The following RSPO3 variants were observed in gnomAD, a reference collection of about 807,000 sequenced individuals.
RSPO3 encodes the protein R-spondin 3.
A neutral mutation model predicts 36.5 loss-of-function variants in RSPO3; 17 were observed. The ratio of observed to expected loss-of-function variants is 0.47; its 90% CI spans 0.32 to 0.70. RSPO3 has a LOEUF of 0.70. Ranked by LOEUF, RSPO3 falls within the 30% of genes least tolerant of loss-of-function variation. The pLI, the probability that RSPO3 is intolerant of heterozygous loss-of-function variation, is 0.04. For synonymous variants in RSPO3, 108 were observed against 107.0 expected (o/e 1.01, Z -0.06); for missense variants, 294 against 322.5 (o/e 0.91, Z 0.68).
chr6:127,176,153 A>G (rs1240075896), intron 4 of RSPO3, among the ~76,000 whole-genome samples: 1 of 151,780 alleles, frequency 6.6e-6, no homozygotes. Flanking sequence ...TCAGCATTTC[A>G]TATTTAATTA....
intron 1 of RSPO3, among the ~76,000 whole-genome samples, chr6:127,142,982 A>ATTT (rs34440525): frequency 7.0e-6 from 1 of 143,146 alleles, no homozygotes; most frequent in African/African-American, 2.6e-5. Context: ...TGCCCAGCTA[A>ATTT]TTTTTTTTTT....
chr6:127,150,298 A>T (rs1173513779), intron 2 of RSPO3, 128 bp from the exon 3 acceptor site: 2 of 804,002 alleles, frequency 2.5e-6, no homozygotes, highest in Middle Eastern at 3.6e-4. Flanking sequence ...AGTCTGGCAA[A>T]ATAATTTTGG....
intron 3 of RSPO3, among the ~76,000 whole-genome samples, chr6:127,154,657 C>G (rs1301275070): frequency 1.3e-5 from 2 of 152,162 alleles, no homozygotes; most frequent in Non-Finnish European, 2.9e-5. Flanking sequence ...ATTTTCTGCT[C>G]AAGCATTCTC....
At chr6:127,188,952 G>A (rs1775352522) in intron 4 of RSPO3, among the ~76,000 whole-genome samples, 1 of 152,138 alleles carries the variant, frequency 6.6e-6, no homozygotes, top group African/African-American at 2.4e-5. Context: ...TAATGTGGAG[G>A]CAGAAGGGTG....
intron 4 of RSPO3, among the ~76,000 whole-genome samples, chr6:127,176,341 G>A (rs1297119168): frequency 2.0e-5 from 3 of 151,802 alleles, no homozygotes; most frequent in Non-Finnish European, 4.4e-5. Flanking sequence ...CTCAGAGTGG[G>A]AGTTAAAGCA....
intron 3 of RSPO3, among the ~76,000 whole-genome samples, chr6:127,153,837 C>T (rs557528262): frequency 6.6e-6 from 1 of 151,942 alleles, no homozygotes; most frequent in African/African-American, 2.4e-5. Flanking sequence ...GGATACACTA[C>T]TTTTTAATGA....
At chr6:127,129,935 A>G (rs1363914330) in intron 1 of RSPO3, among the ~76,000 whole-genome samples, 1 of 152,110 alleles carries the variant, frequency 6.6e-6, no homozygotes, top group African/African-American at 2.4e-5. Context: ...CTTAAATATC[A>G]TATTATTGAA....
At chr6:127,163,725 A>G (rs534340364) in intron 4 of RSPO3, among the ~76,000 whole-genome samples, 1 of 152,162 alleles carries the variant, frequency 6.6e-6, no homozygotes, top group African/African-American at 2.4e-5. Flanking sequence ...TATTACTTTA[A>G]TAGCAAAATA....
intron 4 of RSPO3, among the ~76,000 whole-genome samples, chr6:127,180,313 T>C (rs1375955068): frequency 6.6e-6 from 1 of 151,380 alleles, no homozygotes; most frequent in African/African-American, 2.4e-5. Context: ...TGCTGTTCAA[T>C]AACATAACCA....
At chr6:127,134,897 T>C (rs1420581962) in intron 1 of RSPO3, among the ~76,000 whole-genome samples, 1 of 152,194 alleles carries the variant, frequency 6.6e-6, no homozygotes, top group Non-Finnish European at 1.5e-5. Context: ...TCTTCTGACC[T>C]AATGAATAGC....
chr6:127,136,472 T>C (rs1055497960), intron 1 of RSPO3, among the ~76,000 whole-genome samples: 1 of 152,086 alleles, frequency 6.6e-6, no homozygotes, highest in African/African-American at 2.4e-5. Flanking sequence ...GGTTCAAATC[T>C]GATCCTGAGC....
rs376413952 is a variant in RSPO3 at position 127,195,991 on chromosome 6, T to A, written c.803T>A (p.Val268Asp). Residue 268 changes from valine (V) to aspartate (D), a missense_variant, in exon 5 of 5, where the codon GTC (valine) becomes GAC (aspartate). Around this residue, in one of 3 missense-constraint regions of RSPO3, gnomAD observed 190 missense variants for 185.2 expected, o/e 1.03. Transcript: ENST00000356698. ...KVQDKQKSVS[V>D]STVH Reference sequence around the variant, plus strand: ...CAAGATAAACAGAAATCGGTATCAGTCAGCACTGTACACTAGAGGGTTCCA... The same window carrying A: ...CAAGATAAACAGAAATCGGTATCAGACAGCACTGTACACTAGAGGGTTCCA... 2.5e-6 allele frequency: 4 copies of A among 1,611,788 alleles called. No individual in the cohort carries two copies. Among genetic ancestry groups the A allele is most frequent in the Non-Finnish European group, 3.4e-6 (4 of 1,178,652 alleles).
At chr6:127,124,146 A>T (rs1376267808) in intron 1 of RSPO3, among the ~76,000 whole-genome samples, 2 of 152,052 alleles carry the variant, frequency 1.3e-5, no homozygotes, top group Non-Finnish European at 2.9e-5. Flanking sequence ...CTGCAATTAT[A>T]AGAATGAGCT....
At chr6:127,128,421 T>C (rs772548588) in intron 1 of RSPO3, among the ~76,000 whole-genome samples, 31 of 152,092 alleles carry the variant, frequency 2.0e-4, no homozygotes, top group Middle Eastern at 3.4e-3. Flanking sequence ...AATAACACAA[T>C]CTTTGGGGAT....
intron 1 of RSPO3, among the ~76,000 whole-genome samples, chr6:127,122,999 A>G (rs1226106631): frequency 1.3e-5 from 2 of 152,136 alleles, no homozygotes; most frequent in African/African-American, 4.8e-5. Context: ...ATAATAATTT[A>G]AAAGCACTCA....
At chr6:127,138,783 G>A (rs569086022) in intron 1 of RSPO3, among the ~76,000 whole-genome samples, 231 of 152,240 alleles carry the variant, frequency 1.5e-3, no homozygotes, top group Non-Finnish European at 2.9e-3. Flanking sequence ...ATCTTTGTAT[G>A]CTCACCTACT....
chr6:127,192,781 T>C (rs1377987432), intron 4 of RSPO3: 4 of 665,618 alleles, frequency 6.0e-6, no homozygotes, highest in Non-Finnish European at 7.4e-6. Flanking sequence ...TGTGTGTATA[T>C]ATATATGTGT....
At chr6:127,177,188 A>G (rs1410656069) in intron 4 of RSPO3, among the ~76,000 whole-genome samples, 1 of 151,940 alleles carries the variant, frequency 6.6e-6, no homozygotes, top group East Asian at 1.9e-4. Context: ...CAAATAACCA[A>G]CAAATCATCA....
At chr6:127,145,296 A>C (rs17755753) in intron 1 of RSPO3, among the ~76,000 whole-genome samples, 7,877 of 151,808 alleles carry the variant, frequency 0.052, 322 homozygotes, top group Non-Finnish European at 0.083. Context: ...ACTACATTAT[A>C]TTGCCTCTGC....
Sources: allele counts gnomAD v4.1 joint callset (sites outside exome capture counted in the v4.1 genomes callset), GRCh38; gene constraint gnomAD v4.1.1; regional missense constraint gnomAD v4.1.1; transcripts MANE v1.5; gene names NCBI Gene and HGNC (gene_info 2026-07-23, HGNC 2026-07-21).